Variants in ATE1 observed in about 807,000 individuals in gnomAD.
The protein encoded by ATE1 is arginyl-tRNA--protein transferase 1.
In ATE1, 36 loss-of-function variants were observed where a neutral mutation model predicts 70.5. The ratio of observed to expected loss-of-function variants is 0.51; its 90% confidence interval spans 0.39 to 0.67. ATE1 has a LOEUF of 0.67. ATE1 is among the 30% of genes least tolerant of loss of function. The probability of loss-of-function intolerance (pLI) is 0.00; values close to 1 mark genes in which losing one functional copy is unlikely to be tolerated. For missense variants in ATE1, 593 were observed against 629.5 expected (o/e 0.94, Z 0.62); for synonymous variants, 232 against 219.3 (o/e 1.06, Z -0.51).
intron 5 of ATE1, among the ~76,000 whole-genome samples, chr10:121,907,883 C>A (rs1415124834): frequency 6.6e-6 from 1 of 151,992 alleles, no homozygotes; most frequent in African/African-American, 2.4e-5. Context: ...AATGACCAAG[C>A]CAGCAGCAAT....
intron 10 of ATE1, among the ~76,000 whole-genome samples, chr10:121,809,644 T>A (rs1947239167): frequency 1.3e-5 from 2 of 151,972 alleles, no homozygotes; most frequent in Admixed American, 6.6e-5. Flanking sequence ...TTAATGCAAA[T>A]GTCAACAGGG....
At position 121,820,480 on chromosome 10, in the gene ATE1, T is replaced by C. The variant is rs556820721; in HGVS notation, c.1257+16238A>G. ...TTGATAGCACAATTATTAAGAACTC[T>C]TCATTGTGTTTTAATCATTCTCTTA... is the stretch of plus-strand genomic sequence containing the variant. On this transcript the variant is annotated intron_variant, in intron 10 of 11. Transcript: ENST00000224652. 8.5e-5 allele frequency among the ~76,000 whole-genome samples: 13 copies of C among 152,306 alleles called. 1 individual carries two copies. The highest frequency in any genetic ancestry group is 3.1e-4 in the African/African-American group (13 of 41,568).
chr10:121,902,505 C>G lies in ATE1; in HGVS notation c.699G>C (p.Gln233His), dbSNP rs766263390. 6.2e-7 allele frequency: 1 copy of G among 1,614,190 alleles called. No individual in the cohort carries two copies. The highest frequency in any genetic ancestry group is 8.5e-7 in the Non-Finnish European group (1 of 1,180,044). Reference sequence around the variant, plus strand: ...ACAAAGATGGTGGGTGACCTTGAGCCTGGAAACCCTCAAGTTCTCCAGCTG... The same window carrying G: ...ACAAAGATGGTGGGTGACCTTGAGCGTGGAAACCCTCAAGTTCTCCAGCTG... ...QNPAGELEGF[Q>H]AQGHPPSLFP... The change falls in exon 6 of 12, where the codon CAG becomes CAC. Residue 233 changes from glutamine to histidine, a missense_variant. Around this residue, in one of 3 missense-constraint regions of ATE1, gnomAD observed 467 missense variants for 469.6 expected, o/e 0.99. Transcript: ENST00000224652.
chr10:121,800,681 CTAGA>C (rs757808994), intron 10 of ATE1, among the ~76,000 whole-genome samples: 11 of 152,126 alleles, frequency 7.2e-5, no homozygotes, highest in Non-Finnish European at 1.0e-4. Flanking sequence ...AAAAAATTAA[CTAGA>C]TAAAGTTTAA....
chr10:121,878,584 C>T (rs1489001571), intron 7 of ATE1, among the ~76,000 whole-genome samples: 1 of 149,058 alleles, frequency 6.7e-6, no homozygotes, highest in Admixed American at 6.8e-5. Flanking sequence ...CAGAGGGAGA[C>T]TGTGTCTCAA....
intron 10 of ATE1, among the ~76,000 whole-genome samples, chr10:121,824,157 T>C (rs1450053843): frequency 6.6e-6 from 1 of 152,198 alleles, no homozygotes; most frequent in Admixed American, 6.5e-5. Flanking sequence ...AATTCTCCTG[T>C]GGTAATTTTT....
intron 11 of ATE1, among the ~76,000 whole-genome samples, chr10:121,776,807 G>C (rs1945764580): frequency 6.6e-6 from 1 of 152,208 alleles, no homozygotes; most frequent in African/African-American, 2.4e-5. Context: ...TCTTACAGGG[G>C]ACTACAGTTG....
intron 5 of ATE1, among the ~76,000 whole-genome samples, chr10:121,904,640 CA>C (rs778557337): frequency 0.037 from 1,702 of 46,526 alleles, 14 homozygotes; most frequent in African/African-American, 0.093. Flanking sequence ...GACTCCGTCT[CA>C]AAAAAAAAAA....
chr10:121,857,283 T>G (rs544327804), intron 8 of ATE1, among the ~76,000 whole-genome samples: 1 of 152,168 alleles, frequency 6.6e-6, no homozygotes, highest in Non-Finnish European at 1.5e-5. Context: ...CTTTTTATCA[T>G]AGCCTCCACT....
At chr10:121,826,370 A>G (rs2133642713) in intron 10 of ATE1, among the ~76,000 whole-genome samples, 2 of 152,250 alleles carry the variant, frequency 1.3e-5, no homozygotes, top group East Asian at 3.9e-4. Flanking sequence ...CAGTGGCGCA[A>G]TCTCGGCTTA....
intron 7 of ATE1, among the ~76,000 whole-genome samples, chr10:121,878,596 A>C (rs1950132823): frequency 6.7e-6 from 1 of 149,398 alleles, no homozygotes; most frequent in African/African-American, 2.4e-5. Context: ...GTGTCTCAAA[A>C]AAAAAAGAAA....
intron 10 of ATE1, among the ~76,000 whole-genome samples, chr10:121,800,987 C>T (rs980893360): frequency 6.6e-6 from 1 of 152,146 alleles, no homozygotes; most frequent in African/African-American, 2.4e-5. Context: ...CTTTATCAGT[C>T]CCCAAGAGAG....
At chr10:121,843,093 C>T (rs1948691540) in intron 8 of ATE1, among the ~76,000 whole-genome samples, 2 of 151,916 alleles carry the variant, frequency 1.3e-5, no homozygotes, top group South Asian at 4.1e-4. Flanking sequence ...AAATCAGTAA[C>T]AACAAAAAAT....
intron 7 of ATE1, 48 bp downstream of exon 7, chr10:121,899,818 G>C (rs780385564): frequency 5.0e-5 from 79 of 1,578,424 alleles, no homozygotes; most frequent in Admixed American, 1.1e-4. Context: ...ATATTAAGTG[G>C]AAGGGAAAGC....
chr10:121,774,749 C>G (rs943044438), intron 11 of ATE1, among the ~76,000 whole-genome samples: 5 of 152,100 alleles, frequency 3.3e-5, no homozygotes, highest in East Asian at 3.9e-4. Flanking sequence ...GGCTCAGATT[C>G]CTGTATTTAA....
chr10:121,887,663 G>A (rs770571347), intron 7 of ATE1, among the ~76,000 whole-genome samples: 5 of 152,034 alleles, frequency 3.3e-5, no homozygotes, highest in Non-Finnish European at 7.4e-5. Flanking sequence ...CTATGATCAC[G>A]CCACTTGCAC....
rs1441438393 is a variant in ATE1 at position 121,769,167 on chromosome 10, C to A, written c.1378+21002G>T. Among the ~76,000 whole-genome samples, 5 of 152,056 alleles carry A rather than the reference C, an allele frequency of 3.3e-5. No individual in the cohort carries two copies. The East Asian group carries it at 9.6e-4, about 29-fold the overall frequency. On this transcript the variant is annotated intron_variant, in intron 11 of 11. Coordinates refer to ENST00000224652, the MANE Select transcript of ATE1 (RefSeq NM_001001976.3). ...CTTTTAAAAATATAGATACAGAAATCAAGACTGTGTAGTATTGGTGGAGGA... is the reference window on the plus strand; with the variant it reads ...CTTTTAAAAATATAGATACAGAAATAAAGACTGTGTAGTATTGGTGGAGGA...
chr10:121,866,344 T>C (rs1949662479), intron 8 of ATE1, among the ~76,000 whole-genome samples: 1 of 152,252 alleles, frequency 6.6e-6, no homozygotes, highest in Non-Finnish European at 1.5e-5. Context: ...ATCTTTAATT[T>C]TGATTTCTCT....
At chr10:121,757,994 T>C (rs903685545) in intron 11 of ATE1, among the ~76,000 whole-genome samples, 1 of 152,224 alleles carries the variant, frequency 6.6e-6, no homozygotes, top group Non-Finnish European at 1.5e-5. Flanking sequence ...TCTTTTCTTC[T>C]GACATGTTAA....
Sources: gnomAD v4.1 joint callset for allele counts (sites outside exome capture counted in the v4.1 genomes callset) on GRCh38, gnomAD v4.1.1 for gene constraint, gnomAD v4.1.1 regional missense constraint, MANE v1.5 for transcripts, NCBI Gene and HGNC (gene_info 2026-07-23, HGNC 2026-07-21) for gene names.